The following GABRG3 variants were observed in gnomAD, a reference collection of about 807,000 sequenced individuals.
GABRG3 encodes the protein gamma-aminobutyric acid receptor subunit gamma-3.
A neutral mutation model predicts 48.8 loss-of-function variants in GABRG3; 25 were observed. That is an observed-to-expected ratio of 0.51 (90% CI 0.37 to 0.72). The LOEUF (loss-of-function observed/expected upper bound fraction) is 0.72, where lower values mean the gene tolerates loss of function less well. Ranked by LOEUF, GABRG3 falls within the 30% of genes least tolerant of loss-of-function variation. The probability of loss-of-function intolerance (pLI) is 0.00; values close to 1 mark genes in which losing one functional copy is unlikely to be tolerated. For synonymous variants in GABRG3, 227 were observed against 217.6 expected (o/e 1.04, Z -0.38); for missense variants, 394 against 577.9 (o/e 0.68, Z 3.26).
In GABRG3 at chr15:27,201,231, C is replaced by T. The variant is rs140698792; in HGVS notation, c.271-125578C>T. Among the ~76,000 whole-genome samples the T allele has an allele frequency of 1.9e-3, 286 of 151,866 alleles. 2 individuals carry two copies. Among genetic ancestry groups the T allele is most frequent in the Middle Eastern group, 3.4e-3 (1 of 294 alleles). On this transcript the variant is annotated intron_variant, in intron 3 of 9. Transcript: ENST00000615808. ...AGCTGCAGGACACAGCTTCCCGCCCCTCAAGTATGGACAGGTCAGGGAGAG... is the reference window on the plus strand; with the variant it reads ...AGCTGCAGGACACAGCTTCCCGCCCTTCAAGTATGGACAGGTCAGGGAGAG...
Position 26,976,611 on chromosome 15 carries a change from G to A in GABRG3, c.54-391G>A, listed in dbSNP as rs1050827692. ...TTGGTGGTCAGGGTGGAAACACCAC[G>A]ATGCAGTCACCATATAGAAAACCTC... On this transcript the variant is annotated intron_variant, in intron 1 of 9. Coordinates refer to ENST00000615808, the MANE Select transcript of GABRG3 (RefSeq NM_033223.5). This position sits in a 1 kb window ranked among gnomAD's most constrained non-coding sequence, Gnocchi z 7.8. Among the ~76,000 whole-genome samples, 6 of 152,020 alleles carry A rather than the reference G, an allele frequency of 3.9e-5. No individual in the cohort carries two copies. Among genetic ancestry groups the A allele is most frequent in the African/African-American group, 4.8e-5 (2 of 41,386 alleles).
At chr15:27,126,512 C>T (rs1897823714) in intron 3 of GABRG3, among the ~76,000 whole-genome samples, 1 of 152,164 alleles carries the variant, frequency 6.6e-6, no homozygotes, top group Admixed American at 6.5e-5. Flanking sequence ...TGTGGCTGCA[C>T]TGTGGTGCGC....
intron 3 of GABRG3, among the ~76,000 whole-genome samples, chr15:27,188,413 G>T (rs968720179): frequency 2.6e-5 from 4 of 152,132 alleles, no homozygotes; most frequent in Non-Finnish European, 2.9e-5. Context: ...TTTCATGATT[G>T]CCATTCTAAC....
intron 6 of GABRG3, among the ~76,000 whole-genome samples, chr15:27,514,519 C>T (rs1890973265): frequency 6.6e-6 from 1 of 152,174 alleles, no homozygotes; most frequent in Admixed American, 6.5e-5. Context: ...TAAGTCAGGG[C>T]CACCCAAGAT....
intron 3 of GABRG3, among the ~76,000 whole-genome samples, chr15:27,092,275 G>A (rs1369258098): frequency 6.6e-6 from 1 of 152,118 alleles, no homozygotes; most frequent in African/African-American, 2.4e-5. Context: ...ATCTTTAGGG[G>A]GGATGGTCTC....
chr15:27,316,247 G>T (rs1447164674), intron 3 of GABRG3, among the ~76,000 whole-genome samples: 2 of 151,952 alleles, frequency 1.3e-5, no homozygotes, highest in African/African-American at 2.4e-5. Context: ...AATTAGCCGG[G>T]CCTAGTGGCG....
At chr15:27,512,021 G>A (rs1224468667) in intron 6 of GABRG3, among the ~76,000 whole-genome samples, 2 of 152,122 alleles carry the variant, frequency 1.3e-5, no homozygotes, top group Non-Finnish European at 2.9e-5. Flanking sequence ...TCCTTGACTG[G>A]GAGGGAGCCC....
chr15:27,142,330 G>C (rs924770148), intron 3 of GABRG3, among the ~76,000 whole-genome samples: 1 of 152,166 alleles, frequency 6.6e-6, no homozygotes, highest in Non-Finnish European at 1.5e-5. Flanking sequence ...ACAGTTCCAC[G>C]TGGCTGGGTA....
chr15:27,252,624 C>T (rs1360358022), intron 3 of GABRG3, among the ~76,000 whole-genome samples: 3 of 152,300 alleles, frequency 2.0e-5, no homozygotes, highest in Admixed American at 6.5e-5. Flanking sequence ...AAATTGAAGA[C>T]ATCTGTGGGG....
At chr15:27,273,105 A>T (rs1007225200) in intron 3 of GABRG3, among the ~76,000 whole-genome samples, 2 of 148,550 alleles carry the variant, frequency 1.3e-5, no homozygotes, top group Non-Finnish European at 2.9e-5. Flanking sequence ...CTACAATGAT[A>T]AAAAAAAATA....
chr15:27,238,902 T>A (rs779256072), intron 3 of GABRG3, among the ~76,000 whole-genome samples: 12 of 152,174 alleles, frequency 7.9e-5, no homozygotes, highest in African/African-American at 2.7e-4. Flanking sequence ...TCCACATATG[T>A]CACGATTGTT....
At chr15:27,233,032 C>T (rs1484092195) in intron 3 of GABRG3, among the ~76,000 whole-genome samples, 2 of 152,296 alleles carry the variant, frequency 1.3e-5, no homozygotes, top group East Asian at 1.9e-4. Flanking sequence ...AGGCCCCAGG[C>T]ACCTCCTCTT....
At chr15:27,052,288 T>C (rs1257601150) in intron 3 of GABRG3, among the ~76,000 whole-genome samples, 1 of 152,160 alleles carries the variant, frequency 6.6e-6, no homozygotes, top group Non-Finnish European at 1.5e-5. Context: ...TCTGATCACC[T>C]TGGGGGGGTG....
intron 3 of GABRG3, among the ~76,000 whole-genome samples, chr15:27,287,127 A>C (rs2140483625): frequency 6.6e-6 from 1 of 152,268 alleles, no homozygotes; most frequent in Middle Eastern, 3.4e-3. Context: ...TGAAGCCCCC[A>C]GTTACCATTG....
At chr15:27,312,173 T>G (rs1409019620) in intron 3 of GABRG3, among the ~76,000 whole-genome samples, 1 of 152,020 alleles carries the variant, frequency 6.6e-6, no homozygotes, top group East Asian at 1.9e-4. Flanking sequence ...AAAATTCACT[T>G]GAGGGGTTTA....
At chr15:27,015,509 C>T (rs969936262) in intron 2 of GABRG3, among the ~76,000 whole-genome samples, 4 of 151,548 alleles carry the variant, frequency 2.6e-5, no homozygotes, top group East Asian at 2.0e-4. Context: ...CTGAGCCTCC[C>T]GAGTAGCTGG....
chr15:27,122,366 C>T (rs1897745881), intron 3 of GABRG3, among the ~76,000 whole-genome samples: 1 of 152,184 alleles, frequency 6.6e-6, no homozygotes, highest in African/African-American at 2.4e-5. Flanking sequence ...ATCAGACCAA[C>T]CCTGTGATAG....
Position 27,388,388 on chromosome 15 carries a change from AG to A in GABRG3, c.574+59502del, listed in dbSNP as rs1566818820. On this transcript the variant is annotated intron_variant, in intron 5 of 9. Coordinates refer to ENST00000615808, the MANE Select transcript of GABRG3 (RefSeq NM_033223.5). ...AGGAAGAAAGGAAGGAAGGAAGGAA[AG>A]GAGGGAGGGAGGGGAAGGAAGGAAG... Among the ~76,000 whole-genome samples the A allele has an allele frequency of 3.5e-4, 47 of 133,396 alleles. 2 individuals are homozygous for A. The highest frequency in any genetic ancestry group is 1.3e-3 in the African/African-American group (43 of 33,978). The allele number at this position is 133,396 out of a possible 152,430, so 87.5% of individuals were successfully genotyped here.
At chr15:27,093,473 C>T (rs558099448) in intron 3 of GABRG3, among the ~76,000 whole-genome samples, 2 of 152,176 alleles carry the variant, frequency 1.3e-5, no homozygotes, top group South Asian at 2.1e-4. Flanking sequence ...CTAAGCCCTG[C>T]GGCTCCCTGC....
Sources: gnomAD v4.1 joint callset for allele counts (sites outside exome capture counted in the v4.1 genomes callset) on GRCh38, gnomAD v4.1.1 for gene constraint, Gnocchi (gnomAD v3.1) non-coding constraint, MANE v1.5 for transcripts, NCBI Gene and HGNC (gene_info 2026-07-23, HGNC 2026-07-21) for gene names.